Variants in EPHX1 observed in about 807,000 individuals in gnomAD.
The protein encoded by EPHX1 is epoxide hydratase.
Under a neutral mutation model 43.2 loss-of-function variants are expected in EPHX1, and 40 were observed. The observed-to-expected ratio is 0.93, with a 90% confidence interval of 0.72 to 1.21. The LOEUF is 1.21. Ranked by LOEUF, EPHX1 falls within the 50% of genes most tolerant of loss-of-function variation. The pLI, the probability that EPHX1 is intolerant of heterozygous loss-of-function variation, is 0.00. For missense variants in EPHX1, 550 were observed against 570.4 expected (o/e 0.96, Z 0.36); for synonymous variants, 221 against 226.7 (o/e 0.98, Z 0.22).
chr1:225,843,000 C>T (rs960735202), intron 7 of EPHX1, among the ~76,000 whole-genome samples: 1 of 152,208 alleles, frequency 6.6e-6, no homozygotes, highest in African/African-American at 2.4e-5. Context: ...GGGCCCATCC[C>T]TTTATTCCTT....
intron 2 of EPHX1, among the ~76,000 whole-genome samples, chr1:225,830,607 G>A (rs540829513): frequency 6.6e-6 from 1 of 152,310 alleles, no homozygotes; most frequent in African/African-American, 2.4e-5. Flanking sequence ...TGGCATTACA[G>A]GCACCTGTCA....
At chr1:225,840,784 T>C (rs1668332687) in intron 6 of EPHX1, 3 of 152,884 alleles carry the variant, frequency 2.0e-5, no homozygotes, top group Admixed American at 2.0e-4. Flanking sequence ...GGTAACTCCC[T>C]AGATCTTGTC....
At position 225,839,858 on chromosome 1, in the gene EPHX1, C is replaced by T; in HGVS notation, c.752C>T (p.Ala251Val). 1.2e-6 allele frequency: 2 copies of T among 1,614,132 alleles called. No homozygotes were observed. Among genetic ancestry groups the T allele is most frequent in the Non-Finnish European group, 1.7e-6 (2 of 1,180,002 alleles). The change falls in exon 6 of 9, where the codon GCT (alanine) becomes GTT (valine). Residue 251 changes from alanine (A) to valine (V), a missense_variant. Transcript: ENST00000272167. Reference sequence around the variant, plus strand: ...GTGAAAGGCCTGCACTTGAACATGGCTTTGGTTTTAAGCAACTTCTCTACC... The same window carrying T: ...GTGAAAGGCCTGCACTTGAACATGGTTTTGGTTTTAAGCAACTTCTCTACC... ...SHVKGLHLNM[A>V]LVLSNFSTLT...
chr1:225,833,637 T>C lies in EPHX1; in HGVS notation c.364+1678T>C, dbSNP rs45453694. Reference sequence around the variant, plus strand: ...GGTGAAATCCTGTCTCTAATAAAAATACAAAAAATTAGCCAGGTGTGGTGG... The same window carrying C: ...GGTGAAATCCTGTCTCTAATAAAAACACAAAAAATTAGCCAGGTGTGGTGG... On this transcript the variant is annotated intron_variant, in intron 3 of 8. Coordinates refer to ENST00000272167, the MANE Select transcript of EPHX1 (RefSeq NM_001136018.4). Among the ~76,000 whole-genome samples the C allele has an allele frequency of 9.9e-3, 1,432 of 144,638 alleles. 10 individuals carry two copies. Among genetic ancestry groups the C allele is most frequent in the Middle Eastern group, 0.018 (4 of 226 alleles). The allele number at this position is 144,638 out of a possible 152,430, so 94.9% of individuals were successfully genotyped here.
intron 2 of EPHX1, among the ~76,000 whole-genome samples, chr1:225,831,020 C>T (rs972859181): frequency 6.6e-6 from 1 of 152,140 alleles, no homozygotes; most frequent in African/African-American, 2.4e-5. Flanking sequence ...CAGCCACCCC[C>T]ATTCATCTGT....
At chr1:225,839,019 G>T in intron 4 of EPHX1, 138 bp downstream of exon 4, 1 of 1,312,108 alleles carries the variant, frequency 7.6e-7, no homozygotes, top group Non-Finnish European at 1.1e-6. Context: ...CTGAGAGGCC[G>T]GCCCCAGACA....
At chr1:225,824,243 C>T (rs554411770) in intron 1 of EPHX1, among the ~76,000 whole-genome samples, 31 of 152,056 alleles carry the variant, frequency 2.0e-4, no homozygotes, top group African/African-American at 7.0e-4. Context: ...GCTATGCAGG[C>T]CTGGGAGACG....
chr1:225,818,124 G>T (rs2102685663), intron 1 of EPHX1, among the ~76,000 whole-genome samples: 1 of 152,210 alleles, frequency 6.6e-6, no homozygotes, highest in Middle Eastern at 3.4e-3. Flanking sequence ...TGCATCTTAT[G>T]GTCTGTCTCT....
rs773403836 is a variant in EPHX1 at position 225,828,815 on chromosome 1, T to C, written c.86T>C (p.Leu29Pro). 1 of 1,613,688 alleles carries C rather than the reference T, an allele frequency of 6.2e-7. No homozygotes were observed. Among genetic ancestry groups the C allele is most frequent in the East Asian group, 2.2e-5 (1 of 44,862 alleles). The stretch of plus-strand genomic sequence containing the variant: ...CGGGACAAAGAGGAAACTTTGCCAC[T>C]TGAAGATGGGTGGTGGGGGCCAGGC... The part of the protein sequence containing the change: ...ISRDKEETLP[L>P]EDGWWGPGTR... Residue 29 changes from leucine to proline, a missense_variant, in exon 2 of 9, where the codon CTT becomes CCT. Leu to Pro is a moderately conservative substitution (Grantham distance 98, BLOSUM62 -3). Coordinates refer to ENST00000272167, the MANE Select transcript of EPHX1 (RefSeq NM_001136018.4).
chr1:225,844,085 G>C (rs954956568), intron 7 of EPHX1, among the ~76,000 whole-genome samples: 2 of 152,150 alleles, frequency 1.3e-5, no homozygotes, highest in Non-Finnish European at 2.9e-5. Flanking sequence ...TAGTACCTAT[G>C]TCCCATAGGC....
chr1:225,838,363 T>C (rs780647498), intron 3 of EPHX1, among the ~76,000 whole-genome samples: 1 of 152,204 alleles, frequency 6.6e-6, no homozygotes, highest in Admixed American at 6.5e-5. Flanking sequence ...AACCCAGCAG[T>C]GGCTGTACAG....
chr1:225,830,730 A>ATG (rs1667535514), intron 2 of EPHX1, among the ~76,000 whole-genome samples: 1 of 152,048 alleles, frequency 6.6e-6, no homozygotes, highest in Non-Finnish European at 1.5e-5. Flanking sequence ...CTCCCAAAGC[A>ATG]CTGGGATTAC....
chr1:225,819,581 C>G (rs1237237461), intron 1 of EPHX1, among the ~76,000 whole-genome samples: 1 of 152,032 alleles, frequency 6.6e-6, no homozygotes, highest in African/African-American at 2.4e-5. Context: ...CCAGAACTTA[C>G]TGATATCTGT....
intron 1 of EPHX1, among the ~76,000 whole-genome samples, chr1:225,812,551 A>G (rs918439228): frequency 9.9e-5 from 15 of 152,150 alleles, no homozygotes; most frequent in African/African-American, 3.6e-4. Flanking sequence ...ATTTTCAGGG[A>G]GCCCAGGTTC....
chr1:225,839,722 C>A, intron 5 of EPHX1, 107 bp from the exon 6 acceptor site: 1 of 1,234,776 alleles, frequency 8.1e-7, no homozygotes. Context: ...AAGAGGCTGG[C>A]TCTGTGCTCG....
At chr1:225,815,425 TTTTTTTTTGTAGAGACAAGG>T (rs1666677803) in intron 1 of EPHX1, among the ~76,000 whole-genome samples, 1 of 80,960 alleles carries the variant, frequency 1.2e-5, no homozygotes, top group South Asian at 3.7e-4. Context: ...TTTTTTTTTT[TTTTTTTTTGTAGAGACAAGG>T]TTTCACTGTG....
At position 225,839,970 on chromosome 1, in the gene EPHX1, G is replaced by A; in HGVS notation, c.864G>A (p.Lys288=). ...AGCTGCTGTACCCCGTCAAGGAGAA[G>A]GTATTCTACAGCCTGATGAGGGAGA... ...DVELLYPVKE[K]VFYSLMRESG... The change falls in exon 6 of 9, where the codon AAG becomes AAA. Residue 288 remains lysine, a synonymous_variant. Transcript: ENST00000272167. 1 of 1,614,222 alleles carries A rather than the reference G, an allele frequency of 6.2e-7. No individual in the cohort carries two copies.
chr1:225,842,563 C>T, intron 7 of EPHX1, 89 bp downstream of exon 7: 1 of 939,820 alleles, frequency 1.1e-6, no homozygotes, highest in Admixed American at 1.7e-5. Context: ...GGTTGCTCTG[C>T]ATGGGGCACT....
In EPHX1 at chr1:225,838,927, G is replaced by T. The variant is rs375300238; in HGVS notation, c.592+46G>T. The T allele has an allele frequency of 8.8e-6, 14 of 1,586,066 alleles. No individual in the cohort carries two copies. In the African/African-American group the frequency reaches 1.7e-4, roughly 20 times the overall value. ...CCATAACTGCCCCGTCCTCGCCAAG[G>T]GTGGGCCCGGTGTTCCCACCAGGCT... On this transcript the variant is annotated intron_variant, in intron 4 of 8. Coordinates refer to ENST00000272167, the MANE Select transcript of EPHX1 (RefSeq NM_001136018.4).
Sources: allele counts gnomAD v4.1 joint callset (sites outside exome capture counted in the v4.1 genomes callset), GRCh38; gene constraint gnomAD v4.1.1; transcripts MANE v1.5; gene names NCBI Gene and HGNC (gene_info 2026-07-23, HGNC 2026-07-21).